Variants in FKBP1B observed in about 807,000 individuals in gnomAD.
FKBP1B encodes FKBP prolyl isomerase 1B.
A neutral mutation model predicts 13.5 loss-of-function variants in FKBP1B; 4 were observed. The ratio of observed to expected loss-of-function variants is 0.30; its 90% CI spans 0.15 to 0.68. FKBP1B has a LOEUF of 0.68. FKBP1B is among the 30% of genes least tolerant of loss of function. The probability of loss-of-function intolerance (pLI) is 0.76; values close to 1 mark genes in which losing one functional copy is unlikely to be tolerated. For missense variants in FKBP1B, 93 were observed against 136.2 expected (o/e 0.68, Z 1.58); for synonymous variants, 54 against 53.6 (o/e 1.01, Z -0.03).
At chr2:24,051,494 C>T (rs138352558) in intron 1 of FKBP1B, among the ~76,000 whole-genome samples, 334 of 152,274 alleles carry the variant, frequency 2.2e-3, no homozygotes, top group Non-Finnish European at 4.1e-3. Context: ...GTCCTAAGCC[C>T]ACCACTAACT....
At chr2:24,058,589 C>T (rs554695138) in intron 2 of FKBP1B, among the ~76,000 whole-genome samples, 5 of 152,084 alleles carry the variant, frequency 3.3e-5, no homozygotes, top group African/African-American at 4.8e-5. Context: ...AAAGGAAAGT[C>T]GGTATATAAA....
At chr2:24,037,570 G>C in the FKBP1B span, 3 of 1,272,514 alleles carry the variant, frequency 2.4e-6, no homozygotes, top group African/African-American at 4.5e-5. Flanking sequence ...GCCCAGCTTA[G>C]TGAAGCTCAG....
At chr2:24,052,869 G>T (rs554247700) in intron 1 of FKBP1B, among the ~76,000 whole-genome samples, 6 of 152,156 alleles carry the variant, frequency 3.9e-5, no homozygotes, top group Non-Finnish European at 7.4e-5. Context: ...TACTCAGAAG[G>T]CAGAGGAAGA....
intron 3 of FKBP1B, among the ~76,000 whole-genome samples, chr2:24,061,360 A>G (rs1664386266): frequency 6.6e-6 from 1 of 152,202 alleles, no homozygotes; most frequent in Admixed American, 6.5e-5. Flanking sequence ...AGGCTGCGAC[A>G]GGAGAATTAC....
chr2:24,063,456 ATGACAGAACACAGATC>A lies in FKBP1B; in HGVS notation c.*266_*281del. ...GTGATGCATGTAGTAGCCTTTCCTG[ATGACAGAACACAGATC>A]TCTTGTTCGCACAATCTACACTGCC... On this transcript the variant is annotated 3_prime_UTR_variant, in exon 4 of 4. Coordinates refer to ENST00000380986, the MANE Select transcript of FKBP1B (RefSeq NM_004116.5). The A allele has an allele frequency of 7.0e-6, 3 of 431,154 alleles. No individual in the cohort carries two copies. Among genetic ancestry groups the A allele is most frequent in the South Asian group, 4.2e-5 (1 of 24,070 alleles). The allele number at this position is 431,154 out of a possible 1,614,324, so 26.7% of individuals were successfully genotyped here.
upstream of FKBP1B, among the ~76,000 whole-genome samples, chr2:24,048,213 T>C (rs1159584208): frequency 2.6e-5 from 4 of 152,102 alleles, no homozygotes; most frequent in Non-Finnish European, 4.4e-5. Flanking sequence ...GGCATGCCTG[T>C]AATCCCAGCA....
At chr2:24,034,047 G>C in the FKBP1B span, among the ~76,000 whole-genome samples, 1 of 152,332 alleles carries the variant, frequency 6.6e-6, no homozygotes, top group East Asian at 1.9e-4. Flanking sequence ...TGAAATTACA[G>C]GGGAAACTAT....
In FKBP1B at chr2:24,063,499, TA is replaced by T. The variant is rs1664497066; in HGVS notation, c.*308del. On this transcript the variant is annotated 3_prime_UTR_variant, in exon 4 of 4. Transcript: ENST00000380986. ...CTTGTTCGCACAATCTACACTGCCTTACCTTCACTTAAACCACACACACAAG... is the reference window on the plus strand; with the variant it reads ...CTTGTTCGCACAATCTACACTGCCTTCCTTCACTTAAACCACACACACAAG... 3.1e-6 allele frequency: 1 copy of T among 326,794 alleles called. No homozygotes were observed. The highest frequency in any genetic ancestry group is 2.1e-5 in the African/African-American group (1 of 47,342). The allele number at this position is 326,794 out of a possible 1,614,324, so 20.2% of individuals were successfully genotyped here. A position where few individuals can be genotyped will look rare whatever the true frequency, so the allele number is the denominator to read the frequency against.
At chr2:24,038,775 T>C in the FKBP1B span, 2 of 1,614,160 alleles carry the variant, frequency 1.2e-6, no homozygotes, top group Non-Finnish European at 1.7e-6. Flanking sequence ...TACTGTTAGG[T>C]GGGATATTAA....
the FKBP1B span, chr2:24,039,574 C>T: frequency 6.7e-7 from 1 of 1,486,944 alleles, no homozygotes; most frequent in Non-Finnish European, 9.1e-7. Context: ...GAATGTAGGA[C>T]ATTTGGTAAG....
At chr2:24,046,768 A>C (rs938345570), upstream of FKBP1B, among the ~76,000 whole-genome samples, 1 of 152,228 alleles carries the variant, frequency 6.6e-6, no homozygotes, top group South Asian at 2.1e-4. Context: ...CATTCATCCA[A>C]AGAAAATTAT....
chr2:24,033,402 C>T, the FKBP1B span: 22 of 240,054 alleles, frequency 9.2e-5, no homozygotes, highest in African/African-American at 4.8e-4. Flanking sequence ...ATTCACATAG[C>T]TTAGAAAAAG....
At chr2:24,042,263 C>T in the FKBP1B span, among the ~76,000 whole-genome samples, 938 of 151,566 alleles carry the variant, frequency 6.2e-3, 6 homozygotes, top group African/African-American at 0.02. Flanking sequence ...ATTGGCCGGG[C>T]GCAGTGGCTC....
In FKBP1B at chr2:24,049,874, T is replaced by A. The variant is rs1367874077; in HGVS notation, c.25T>A (p.Ser9Thr). 7 of 1,419,276 alleles carry A rather than the reference T, an allele frequency of 4.9e-6. No individual in the cohort carries two copies. Among genetic ancestry groups the A allele is most frequent in the Non-Finnish European group, 6.5e-6 (7 of 1,085,212 alleles). 87.9% of individuals were successfully genotyped at this position (1,419,276 alleles called of 1,614,324 possible). A position where few individuals can be genotyped will look rare whatever the true frequency, so the allele number is the denominator to read the frequency against. ...TATGGGCGTGGAGATCGAGACCATC[T>A]CCCCCGGAGACGGTACCGGGCTCCC... MGVEIETISPGDGRTFPKK... is the reference protein window; with the variant it reads MGVEIETITPGDGRTFPKK... Residue 9 changes from serine to threonine, a missense_variant, in exon 1 of 4, where the codon TCC becomes ACC. By Grantham distance (58) the Ser-to-Thr change is moderately conservative. Coordinates refer to ENST00000380986, the MANE Select transcript of FKBP1B (RefSeq NM_004116.5).
At chr2:24,043,453 G>T in the FKBP1B span, among the ~76,000 whole-genome samples, 2 of 152,050 alleles carry the variant, frequency 1.3e-5, no homozygotes, top group African/African-American at 2.4e-5. Flanking sequence ...CGAGACCAGA[G>T]ATCAGCCTGG....
Position 24,063,149 on chromosome 2 carries a change from A to G in FKBP1B, c.284A>G (p.Asn95Ser), listed in dbSNP as rs760372538. ...ATGHPGVIPPNATLIFDVELL... is the reference protein window; with the variant it reads ...ATGHPGVIPPSATLIFDVELL... ...GGCCACCCCGGTGTCATCCCTCCCA[A>G]TGCCACCCTCATCTTTGACGTGGAG... is the stretch of plus-strand genomic sequence containing the variant. Residue 95 changes from asparagine to serine, a missense_variant, in exon 4 of 4, where the codon AAT (asparagine) becomes AGT (serine). Physicochemically the swap from Asn to Ser is conservative, Grantham distance 46. Transcript: ENST00000380986. 9.3e-6 allele frequency: 15 copies of G among 1,611,486 alleles called. No individual in the cohort carries two copies. The highest frequency in any genetic ancestry group is 3.4e-5 in the Admixed American group (2 of 59,430).
chr2:24,059,228 G>A (rs1273824796), intron 2 of FKBP1B, among the ~76,000 whole-genome samples: 1 of 152,208 alleles, frequency 6.6e-6, no homozygotes, highest in African/African-American at 2.4e-5. Context: ...ATTTACAGAA[G>A]GTCTGATCTT....
intron 2 of FKBP1B, among the ~76,000 whole-genome samples, chr2:24,055,986 G>T (rs1664105807): frequency 6.6e-6 from 1 of 151,988 alleles, no homozygotes; most frequent in African/African-American, 2.4e-5. Context: ...GTCAGGTTTT[G>T]GTTTTGTTTT....
At chr2:24,044,726 A>G (rs1157150707), upstream of FKBP1B, among the ~76,000 whole-genome samples, 1 of 149,716 alleles carries the variant, frequency 6.7e-6, no homozygotes, top group Non-Finnish European at 1.5e-5. Flanking sequence ...CTCCCTTTTT[A>G]TTAGGGTAAA....
Sources: gnomAD v4.1 joint callset for allele counts (sites outside exome capture counted in the v4.1 genomes callset) on GRCh38, gnomAD v4.1.1 for gene constraint, MANE v1.5 for transcripts, NCBI Gene and HGNC (gene_info 2026-07-23, HGNC 2026-07-21) for gene names.